Variants in RPH3A observed in about 807,000 individuals in gnomAD.
RPH3A encodes the protein rabphilin-3A.
A neutral mutation model predicts 102.2 loss-of-function variants in RPH3A; 48 were observed. The ratio of observed to expected loss-of-function variants is 0.47; its 90% confidence interval spans 0.37 to 0.60. The LOEUF (loss-of-function observed/expected upper bound fraction) is 0.60, where lower values mean the gene tolerates loss of function less well. Among genes scored for constraint, RPH3A ranks in the 20% least tolerant of loss-of-function variants. The pLI is 0.00. For missense variants in RPH3A, 781 were observed against 910.1 expected (o/e 0.86, Z 1.83); for synonymous variants, 310 against 324.3 (o/e 0.96, Z 0.47).
intron 1 of RPH3A, among the ~76,000 whole-genome samples, chr12:112,647,585 G>A (rs999717315): frequency 7.0e-6 from 1 of 143,612 alleles, no homozygotes; most frequent in East Asian, 2.0e-4. Flanking sequence ...AATGGGGCTA[G>A]AGAGGGTGTG....
At chr12:112,657,381 A>G (rs1179005447) in intron 1 of RPH3A, among the ~76,000 whole-genome samples, 1 of 152,102 alleles carries the variant, frequency 6.6e-6, no homozygotes, top group African/African-American at 2.4e-5. Flanking sequence ...AGCAGAAGGA[A>G]TACACTCTAA....
intron 1 of RPH3A, among the ~76,000 whole-genome samples, chr12:112,618,821 C>T (rs2039700277): frequency 6.6e-6 from 1 of 152,162 alleles, no homozygotes; most frequent in South Asian, 2.1e-4. Flanking sequence ...TTTGGTCTCT[C>T]CTAAAAGAAA....
intron 1 of RPH3A, among the ~76,000 whole-genome samples, chr12:112,736,590 C>T (rs1039564866): frequency 7.2e-5 from 11 of 152,284 alleles, no homozygotes; most frequent in Middle Eastern, 3.4e-3. Flanking sequence ...GGGCAATTAA[C>T]GACCCTTGGG....
At chr12:112,884,216 G>A (rs1374421745) in intron 16 of RPH3A, among the ~76,000 whole-genome samples, 2 of 152,028 alleles carry the variant, frequency 1.3e-5, no homozygotes, top group Non-Finnish European at 2.9e-5. Flanking sequence ...AAACATCCAT[G>A]AACCCACCCG....
chr12:112,839,091 CA>C (rs547423306), intron 4 of RPH3A, among the ~76,000 whole-genome samples: 125 of 151,960 alleles, frequency 8.2e-4, no homozygotes, highest in African/African-American at 2.8e-3. Flanking sequence ...AGCAGGTTAC[CA>C]CAGTGGTCTT....
intron 2 of RPH3A, among the ~76,000 whole-genome samples, chr12:112,819,451 G>A (rs1009396035): frequency 7.2e-5 from 11 of 152,130 alleles, no homozygotes; most frequent in African/African-American, 2.7e-4. Context: ...TGCAAAACTT[G>A]CTTAGAGTCA....
At chr12:112,866,714 G>C in intron 6 of RPH3A, 43 bp from the exon 7 acceptor site, 1 of 1,547,798 alleles carries the variant, frequency 6.5e-7, no homozygotes, top group Middle Eastern at 1.7e-4. Flanking sequence ...TGCCTCCCAT[G>C]AGCATGGCTC....
chr12:112,862,710 G>A (rs1476974742), intron 5 of RPH3A, among the ~76,000 whole-genome samples: 1 of 152,220 alleles, frequency 6.6e-6, no homozygotes, highest in East Asian at 1.9e-4. Context: ...AGGCTCCAGA[G>A]CCTGCAGGCT....
intron 1 of RPH3A, among the ~76,000 whole-genome samples, chr12:112,784,305 C>T (rs2041029065): frequency 6.6e-6 from 1 of 152,126 alleles, no homozygotes; most frequent in African/African-American, 2.4e-5. Context: ...CAACCTCACC[C>T]CCAGGCAGGT....
chr12:112,686,121 G>T (rs1459577733), intron 1 of RPH3A, among the ~76,000 whole-genome samples: 1 of 152,034 alleles, frequency 6.6e-6, no homozygotes, highest in African/African-American at 2.4e-5. Context: ...GTCTTTCTGG[G>T]GTTTTATGGG....
intron 8 of RPH3A, 198 bp from the exon 9 acceptor site, chr12:112,869,561 A>G: frequency 3.3e-6 from 2 of 599,598 alleles, no homozygotes; most frequent in Non-Finnish European, 5.9e-6. Flanking sequence ...GTATGCTCAT[A>G]TGTGTTTGTG....
At chr12:112,715,125 A>G (rs1022232214) in intron 1 of RPH3A, among the ~76,000 whole-genome samples, 19 of 152,272 alleles carry the variant, frequency 1.2e-4, no homozygotes, top group African/African-American at 4.1e-4. Context: ...CTTTTACCAC[A>G]TGAATCTTCT....
intron 1 of RPH3A, among the ~76,000 whole-genome samples, chr12:112,731,334 T>C (rs1485553834): frequency 6.6e-6 from 1 of 152,176 alleles, no homozygotes; most frequent in East Asian, 1.9e-4. Flanking sequence ...ATTCAATATG[T>C]GGTATGTTAG....
intron 1 of RPH3A, among the ~76,000 whole-genome samples, chr12:112,670,603 A>G (rs983133286): frequency 6.6e-6 from 1 of 152,182 alleles, no homozygotes; most frequent in South Asian, 2.1e-4. Context: ...GGATTGAACA[A>G]TGGGTTGTCC....
At chr12:112,609,534 G>A (rs1015638226) in intron 1 of RPH3A, among the ~76,000 whole-genome samples, 4 of 152,072 alleles carry the variant, frequency 2.6e-5, no homozygotes, top group African/African-American at 4.8e-5. Flanking sequence ...CCAAGAAGCC[G>A]TCCTGGATTC....
At chr12:112,581,375 C>A (rs1432626590) in intron 1 of RPH3A, among the ~76,000 whole-genome samples, 2 of 152,114 alleles carry the variant, frequency 1.3e-5, no homozygotes, top group African/African-American at 4.8e-5. Context: ...GAAAGACCTG[C>A]CCCCATGATT....
chr12:112,836,888 A>G (rs912955704), intron 4 of RPH3A, among the ~76,000 whole-genome samples: 3 of 152,216 alleles, frequency 2.0e-5, no homozygotes, highest in East Asian at 1.9e-4. Context: ...ATAAAAGATG[A>G]CGATGAACAG....
upstream of RPH3A, chr12:112,791,152 T>C (rs2041095097): frequency 6.6e-6 from 1 of 152,190 alleles, no homozygotes; most frequent in Non-Finnish European, 1.5e-5. Context: ...CCTCAGCTTT[T>C]CTGCTCTGAA....
chr12:112,875,882 C>G (rs560344120), intron 12 of RPH3A, 141 bp downstream of exon 12: 18 of 633,482 alleles, frequency 2.8e-5, no homozygotes, highest in Admixed American at 2.7e-4. Context: ...TCCCCCGAGT[C>G]TAAAACTTTA....
Sources: allele counts gnomAD v4.1 joint callset (sites outside exome capture counted in the v4.1 genomes callset), GRCh38; gene constraint gnomAD v4.1.1; transcripts MANE v1.5; gene names NCBI Gene and HGNC (gene_info 2026-07-23, HGNC 2026-07-21).